The following SNTG1 variants were observed in gnomAD, a reference collection of about 807,000 sequenced individuals.
SNTG1 encodes the protein gamma-1-syntrophin.
In SNTG1, 39 loss-of-function variants were observed where a neutral mutation model predicts 74.7. The ratio of observed to expected loss-of-function variants is 0.52; its 90% confidence interval spans 0.40 to 0.68. SNTG1 has a LOEUF of 0.68. SNTG1 is among the 30% of genes least tolerant of loss of function. The pLI, the probability that SNTG1 is intolerant of heterozygous loss-of-function variation, is 0.00. For synonymous variants in SNTG1, 254 were observed against 217.1 expected, an observed-to-expected ratio of 1.17 and a Z score of -1.49; for missense variants, 685 against 609.5, an observed-to-expected ratio of 1.12 and a Z score of -1.30.
At chr8:50,777,972 G>A (rs1350233802) in intron 18 of SNTG1, among the ~76,000 whole-genome samples, 4 of 151,776 alleles carry the variant, frequency 2.6e-5, no homozygotes, top group Admixed American at 6.6e-5. Flanking sequence ...TTGTTCTTGC[G>A]ATAGTTTACT....
intron 15 of SNTG1, among the ~76,000 whole-genome samples, chr8:50,661,550 A>G (rs1026441917): frequency 1.3e-5 from 2 of 152,124 alleles, no homozygotes; most frequent in African/African-American, 4.8e-5. Context: ...AATTTTTTTA[A>G]TACTTCAAGT....
intron 2 of SNTG1, among the ~76,000 whole-genome samples, chr8:50,268,772 T>C (rs923193313): frequency 6.6e-6 from 1 of 151,980 alleles, no homozygotes; most frequent in Admixed American, 6.6e-5. Flanking sequence ...TTCTCATGCC[T>C]CAGCCTCCCG....
At chr8:50,700,895 T>C (rs2095421289) in intron 15 of SNTG1, among the ~76,000 whole-genome samples, 1 of 152,184 alleles carries the variant, frequency 6.6e-6, no homozygotes, top group Non-Finnish European at 1.5e-5. Flanking sequence ...TTTTCAGAGA[T>C]GCTGAAACTA....
intron 2 of SNTG1, among the ~76,000 whole-genome samples, chr8:50,301,842 G>GT (rs1231916780): frequency 1.5e-5 from 2 of 137,138 alleles, no homozygotes; most frequent in African/African-American, 2.5e-5. Flanking sequence ...TTTTGTTTTT[G>GT]TTTTCTGTTT....
At chr8:50,200,277 A>T (rs574085817) in intron 2 of SNTG1, among the ~76,000 whole-genome samples, 32 of 152,292 alleles carry the variant, frequency 2.1e-4, no homozygotes, top group African/African-American at 6.5e-4. Context: ...CAAGTGCTGG[A>T]AGTGGAAGTG....
At chr8:50,352,738 A>G (rs1226676856) in intron 2 of SNTG1, among the ~76,000 whole-genome samples, 1 of 152,142 alleles carries the variant, frequency 6.6e-6, no homozygotes, top group Non-Finnish European at 1.5e-5. Flanking sequence ...CAGCTATTAA[A>G]CATTTTCAGA....
intron 8 of SNTG1, among the ~76,000 whole-genome samples, chr8:50,485,477 A>C (rs2093783348): frequency 6.6e-6 from 1 of 152,104 alleles, no homozygotes; most frequent in African/African-American, 2.4e-5. Context: ...TCTTTTGAGA[A>C]GTGTCTGTTC....
intron 1 of SNTG1, among the ~76,000 whole-genome samples, chr8:50,133,357 G>GT (rs1429782040): frequency 6.6e-6 from 1 of 152,002 alleles, no homozygotes; most frequent in African/African-American, 2.4e-5. Context: ...GACAATCTAG[G>GT]TTTTTCTATT....
intron 1 of SNTG1, among the ~76,000 whole-genome samples, chr8:49,961,335 A>G (rs185603773): frequency 1.2e-3 from 183 of 152,336 alleles, no homozygotes; most frequent in African/African-American, 3.4e-3. Flanking sequence ...ATATCCCACC[A>G]TCAGCCATAG....
At chr8:50,697,220 T>G (rs947866334) in intron 15 of SNTG1, among the ~76,000 whole-genome samples, 3 of 152,134 alleles carry the variant, frequency 2.0e-5, no homozygotes, top group Non-Finnish European at 4.4e-5. Context: ...ATTGCCCTCC[T>G]TTCAACTGCA....
chr8:49,943,035 ATCAT>A (rs1312998656), intron 1 of SNTG1, among the ~76,000 whole-genome samples: 1 of 152,204 alleles, frequency 6.6e-6, no homozygotes, highest in Non-Finnish European at 1.5e-5. Context: ...TTCAAATCTA[ATCAT>A]TCATTGTATC....
chr8:50,416,603 A>T (rs1465528274), intron 4 of SNTG1, among the ~76,000 whole-genome samples: 2 of 152,148 alleles, frequency 1.3e-5, no homozygotes, highest in African/African-American at 4.8e-5. Flanking sequence ...GTATTTTATT[A>T]TACTTAGTTC....
chr8:50,501,560 C>T (rs1050969380), intron 8 of SNTG1, among the ~76,000 whole-genome samples: 9 of 149,466 alleles, frequency 6.0e-5, no homozygotes, highest in Non-Finnish European at 3.0e-5. Flanking sequence ...CTTAGCCTCC[C>T]GAGTAGCTAG....
intron 17 of SNTG1, among the ~76,000 whole-genome samples, chr8:50,727,682 C>T (rs2095503450): frequency 6.6e-6 from 1 of 152,168 alleles, no homozygotes; most frequent in African/African-American, 2.4e-5. Flanking sequence ...TCCTCCACTC[C>T]TCATTCTTGA....
chr8:50,295,192 G>A (rs530042180), intron 2 of SNTG1, among the ~76,000 whole-genome samples: 2 of 152,118 alleles, frequency 1.3e-5, no homozygotes, highest in Non-Finnish European at 2.9e-5. Context: ...TTAAGGATAC[G>A]TTTTAAACAA....
chr8:50,051,239 G>GACAC (rs145739550), intron 1 of SNTG1, among the ~76,000 whole-genome samples: 74,819 of 146,968 alleles, frequency 0.51, 20,318 homozygotes, highest in East Asian at 0.78. Flanking sequence ...AGAAAATCTT[G>GACAC]ACACACACAC....
At chr8:50,327,037 C>T (rs74632494) in intron 2 of SNTG1, among the ~76,000 whole-genome samples, 12 of 151,834 alleles carry the variant, frequency 7.9e-5, no homozygotes, top group African/African-American at 2.9e-4. Flanking sequence ...AGTTTAGTTC[C>T]ATTGTAGTGT....
intron 2 of SNTG1, among the ~76,000 whole-genome samples, chr8:50,252,092 G>A (rs989137279): frequency 1.3e-5 from 2 of 151,796 alleles, no homozygotes; most frequent in Admixed American, 6.6e-5. Context: ...AAATTAAACA[G>A]CATCCTCCAC....
intron 1 of SNTG1, among the ~76,000 whole-genome samples, chr8:50,067,082 T>C (rs1471957902): frequency 6.6e-6 from 1 of 152,222 alleles, no homozygotes; most frequent in Admixed American, 6.5e-5. Context: ...CCAACAGTCA[T>C]CTTACATTTG....
Sources: allele counts gnomAD v4.1 joint callset (sites outside exome capture counted in the v4.1 genomes callset), GRCh38; gene constraint gnomAD v4.1.1; transcripts MANE v1.5; gene names NCBI Gene and HGNC (gene_info 2026-07-23, HGNC 2026-07-21).